SGCZ: variants seen among roughly 807,000 people sequenced by gnomAD.
SGCZ encodes sarcoglycan zeta, also known as zeta-sarcoglycan.
A neutral mutation model predicts 41.3 loss-of-function variants in SGCZ; 40 were observed. The ratio of observed to expected loss-of-function variants is 0.97; its 90% CI spans 0.75 to 1.26. The LOEUF (loss-of-function observed/expected upper bound fraction) is 1.26, where lower values mean the gene tolerates loss of function less well. Ranked by LOEUF, SGCZ falls within the 50% of genes most tolerant of loss-of-function variation. The pLI, the probability that SGCZ is intolerant of heterozygous loss-of-function variation, is 0.00. For missense variants in SGCZ, 552 were observed against 369.8 expected, an observed-to-expected ratio of 1.49 and a Z score of -4.04; for synonymous variants, 206 against 137.5, an observed-to-expected ratio of 1.50 and a Z score of -3.49.
chr8:14,445,540 G>A (rs750213533), intron 2 of SGCZ, among the ~76,000 whole-genome samples: 5 of 152,008 alleles, frequency 3.3e-5, no homozygotes, highest in Non-Finnish European at 7.4e-5. Context: ...TACCCCACCT[G>A]CCCCCTTCTC....
intron 2 of SGCZ, among the ~76,000 whole-genome samples, chr8:14,474,628 CA>C (rs1801307812): frequency 6.6e-6 from 1 of 152,058 alleles, no homozygotes; most frequent in Non-Finnish European, 1.5e-5. Flanking sequence ...CATACAGGTC[CA>C]TTAAAATTTT....
chr8:14,247,134 C>T (rs559179031), intron 3 of SGCZ, among the ~76,000 whole-genome samples: 1 of 152,220 alleles, frequency 6.6e-6, no homozygotes, highest in South Asian at 2.1e-4. Flanking sequence ...TATCAATCAA[C>T]TTTATGCATT....
chr8:14,314,062 A>C (rs1294407733), intron 3 of SGCZ, among the ~76,000 whole-genome samples: 1 of 152,074 alleles, frequency 6.6e-6, no homozygotes, highest in Admixed American at 6.6e-5. Flanking sequence ...GTAAGGCTTC[A>C]GTAGTGTCTG....
intron 1 of SGCZ, among the ~76,000 whole-genome samples, chr8:14,764,675 A>T (rs2130368461): frequency 6.6e-6 from 1 of 152,292 alleles, no homozygotes; most frequent in Admixed American, 6.5e-5. Context: ...ATTAAAGGAG[A>T]TTAAAGACAA....
At chr8:14,180,429 CT>C (rs1246252926) in intron 4 of SGCZ, among the ~76,000 whole-genome samples, 2 of 152,116 alleles carry the variant, frequency 1.3e-5, no homozygotes, top group African/African-American at 4.8e-5. Flanking sequence ...GGGGACCCCA[CT>C]AATAACTCTA....
At chr8:14,096,213 C>T (rs1376118263) in intron 7 of SGCZ, among the ~76,000 whole-genome samples, 1 of 152,084 alleles carries the variant, frequency 6.6e-6, no homozygotes, top group Non-Finnish European at 1.5e-5. Context: ...AGTTTTTGCC[C>T]ATTCCTTATG....
At chr8:14,660,700 A>C (rs1807720203) in intron 1 of SGCZ, among the ~76,000 whole-genome samples, 1 of 152,138 alleles carries the variant, frequency 6.6e-6, no homozygotes, top group South Asian at 2.1e-4. Context: ...GACCAGTGAA[A>C]TAATATTATA....
At chr8:14,265,186 ACC>A (rs1799828773) in intron 3 of SGCZ, among the ~76,000 whole-genome samples, 1 of 151,708 alleles carries the variant, frequency 6.6e-6, no homozygotes, top group African/African-American at 2.4e-5. Context: ...TAGCTTTAAA[ACC>A]CTTTTCCCAT....
At chr8:14,335,304 C>T (rs974267694) in intron 2 of SGCZ, among the ~76,000 whole-genome samples, 2 of 152,074 alleles carry the variant, frequency 1.3e-5, no homozygotes, top group African/African-American at 4.8e-5. Context: ...TGGGTCATCT[C>T]TCAACTGAAT....
At chr8:15,207,678 A>G (rs1268476435) in intron 1 of SGCZ, among the ~76,000 whole-genome samples, 1 of 152,198 alleles carries the variant, frequency 6.6e-6, no homozygotes, top group African/African-American at 2.4e-5. Flanking sequence ...AAGTAGAAGC[A>G]GATGCTTTCC....
intron 2 of SGCZ, among the ~76,000 whole-genome samples, chr8:14,377,846 A>C (rs1354743627): frequency 6.6e-6 from 1 of 151,856 alleles, no homozygotes; most frequent in Non-Finnish European, 1.5e-5. Context: ...ATGTCCCTAC[A>C]AAGGACATGA....
intron 1 of SGCZ, among the ~76,000 whole-genome samples, chr8:14,967,578 G>T (rs989944646): frequency 6.6e-6 from 1 of 151,988 alleles, no homozygotes; most frequent in African/African-American, 2.4e-5. Context: ...TCTCAAACTC[G>T]CCACGTCTGA....
intron 5 of SGCZ, among the ~76,000 whole-genome samples, chr8:14,150,755 A>G (rs954007736): frequency 1.3e-5 from 2 of 152,172 alleles, no homozygotes; most frequent in African/African-American, 4.8e-5. Flanking sequence ...TACAATAGTC[A>G]AGATTTGGAA....
intron 1 of SGCZ, among the ~76,000 whole-genome samples, chr8:14,800,456 G>C (rs998708686): frequency 6.6e-6 from 1 of 152,096 alleles, no homozygotes; most frequent in East Asian, 1.9e-4. Flanking sequence ...AATTTCATTA[G>C]CTACTTGATA....
chr8:14,799,689 AAT>A (rs1491502833), intron 1 of SGCZ, among the ~76,000 whole-genome samples: 3 of 144,002 alleles, frequency 2.1e-5, no homozygotes, highest in African/African-American at 8.6e-5. Context: ...AATAAAAAAA[AAT>A]TTTTTTTTTT....
chr8:14,719,825 G>C (rs1809821444), intron 1 of SGCZ, among the ~76,000 whole-genome samples: 1 of 151,912 alleles, frequency 6.6e-6, no homozygotes, highest in Non-Finnish European at 1.5e-5. Context: ...TCTGATGGTA[G>C]TTTCTTTTGC....
At chr8:14,389,504 G>C (rs1804685362) in intron 2 of SGCZ, among the ~76,000 whole-genome samples, 1 of 148,432 alleles carries the variant, frequency 6.7e-6, no homozygotes, top group African/African-American at 2.5e-5. Context: ...GCTAACAAAA[G>C]TCATGATAAT....
At chr8:15,066,842 T>C (rs1805168029) in intron 1 of SGCZ, among the ~76,000 whole-genome samples, 1 of 152,170 alleles carries the variant, frequency 6.6e-6, no homozygotes, top group Non-Finnish European at 1.5e-5. Flanking sequence ...CATGGAGAAG[T>C]ATTATAGTTG....
At chr8:14,214,486 G>T (rs187648910) in intron 4 of SGCZ, among the ~76,000 whole-genome samples, 1 of 152,022 alleles carries the variant, frequency 6.6e-6, no homozygotes, top group Non-Finnish European at 1.5e-5. Flanking sequence ...AATATAAAAT[G>T]TTAATCATAG....
Sources: allele counts gnomAD v4.1 joint callset (sites outside exome capture counted in the v4.1 genomes callset), GRCh38; gene constraint gnomAD v4.1.1; transcripts MANE v1.5; gene names NCBI Gene and HGNC (gene_info 2026-07-23, HGNC 2026-07-21).